The following TAOK2 variants were observed in gnomAD, a reference collection of about 807,000 sequenced individuals.
TAOK2 encodes serine/threonine-protein kinase TAO2.
TAOK2 carries 42 observed loss-of-function variants against 122.5 expected under a neutral mutation model. That is an observed-to-expected ratio of 0.34 (90% CI 0.27 to 0.44). The LOEUF (loss-of-function observed/expected upper bound fraction) is 0.44, where lower values mean the gene tolerates loss of function less well. TAOK2 is among the 20% of genes least tolerant of loss of function. The pLI, the probability that TAOK2 is intolerant of heterozygous loss-of-function variation, is 1.00. For missense variants in TAOK2, 1,264 were observed against 1,644.9 expected (o/e 0.77, Z 4.01); for synonymous variants, 704 against 677.6 (o/e 1.04, Z -0.61).
downstream of TAOK2, chr16:29,989,833 G>A: frequency 6.2e-7 from 1 of 1,607,532 alleles, no homozygotes; most frequent in Non-Finnish European, 8.5e-7. Context: ...GGGAGGGAGT[G>A]CGCTAGAGGC....
At chr16:29,989,969 TCTC>T, downstream of TAOK2, 2 of 664,658 alleles carry the variant, frequency 3.0e-6, no homozygotes, top group South Asian at 2.0e-5. Context: ...TATTTCATAT[TCTC>T]CTCAGTGGTT....
chr16:29,979,210 A>T lies in TAOK2; in HGVS notation c.465A>T (p.Gly155=), dbSNP rs1567239625. The change falls in exon 7 of 16, where the codon GGA becomes GGT. Residue 155 remains glycine, a synonymous_variant. Coordinates refer to ENST00000308893, the MANE Select transcript of TAOK2 (RefSeq NM_016151.4). The surrounding 1 kb of genome is among the most constrained non-coding windows in gnomAD (Gnocchi z 4.1). The part of the protein sequence containing the change: ...HNMIHRDVKA[G]NILLSEPGLV... ...CCTCTGGCAGGGATGTGAAGGCTGG[A>T]AACATCCTGCTGTCAGAGCCAGGGT... 6.2e-7 allele frequency: 1 copy of T among 1,614,086 alleles called. No individual in the cohort carries two copies. Among genetic ancestry groups the T allele is most frequent in the Non-Finnish European group, 8.5e-7 (1 of 1,180,044 alleles).
In TAOK2 at chr16:29,985,713, G is replaced by A. The variant is rs752773455; in HGVS notation, c.1844G>A (p.Arg615Gln). 18 of 1,607,768 alleles carry A rather than the reference G, an allele frequency of 1.1e-5. No homozygotes were observed. Among genetic ancestry groups the A allele is most frequent in the East Asian group, 2.2e-5 (1 of 44,642 alleles). ...PKREKAEWLL[R>Q]QKEQLQQCQA... Reference sequence around the variant, plus strand: ...CGGGAGAAGGCCGAGTGGCTGCTGCGGCAGAAGGAGCAGCTCCAGCAGTGC... The same window carrying A: ...CGGGAGAAGGCCGAGTGGCTGCTGCAGCAGAAGGAGCAGCTCCAGCAGTGC... The change falls in exon 15 of 16, where the codon CGG (arginine) becomes CAG (glutamine). Residue 615 changes from arginine to glutamine, a missense_variant. Arg to Gln is a conservative substitution (Grantham distance 43). Transcript: ENST00000308893. This position sits in a 1 kb window ranked among gnomAD's most constrained non-coding sequence, Gnocchi z 6.9.
Position 29,979,590 on chromosome 16 carries a change from T to G in TAOK2, c.655+82T>G. ...CAGACTCCGGACTACCCCCTTCTCCTAGGGATGGGATCCCAGGCCTCCAAG... is the reference window on the plus strand; with the variant it reads ...CAGACTCCGGACTACCCCCTTCTCCGAGGGATGGGATCCCAGGCCTCCAAG... On this transcript the variant is annotated intron_variant, in intron 8 of 15. Coordinates refer to ENST00000308893, the MANE Select transcript of TAOK2 (RefSeq NM_016151.4). The surrounding 1 kb of genome is among the most constrained non-coding windows in gnomAD (Gnocchi z 4.1). 1 of 1,159,546 alleles carries G rather than the reference T, an allele frequency of 8.6e-7. No individual in the cohort carries two copies. Among genetic ancestry groups the G allele is most frequent in the Non-Finnish European group, 1.2e-6 (1 of 845,254 alleles). 71.8% of individuals were successfully genotyped at this position (1,159,546 alleles called of 1,614,324 possible). A position where few individuals can be genotyped will look rare whatever the true frequency, so the allele number is the denominator to read the frequency against.
intron 13 of TAOK2, among the ~76,000 whole-genome samples, 162 bp downstream of exon 13, chr16:29,983,826 C>A (rs1198249820): frequency 1.3e-5 from 2 of 152,264 alleles, no homozygotes; most frequent in Non-Finnish European, 2.9e-5. Context: ...CTGCTTCCCT[C>A]CTCTTCCCAG....
At chr16:29,988,510 T>C (rs2069887524), downstream of TAOK2, 5 of 1,182,726 alleles carry the variant, frequency 4.2e-6, no homozygotes, top group Non-Finnish European at 5.3e-6. Context: ...ATCTCCGTTA[T>C]CTCAGCCCCC....
intron 13 of TAOK2, among the ~76,000 whole-genome samples, chr16:29,984,067 G>A (rs1567244971): frequency 6.6e-6 from 1 of 152,172 alleles, no homozygotes; most frequent in Non-Finnish European, 1.5e-5. Flanking sequence ...TGCCGGGGGT[G>A]CCCTGTGCTT....
chr16:29,989,555 C>G, downstream of TAOK2: 1 of 1,610,728 alleles, frequency 6.2e-7, no homozygotes, highest in South Asian at 1.1e-5. Context: ...TCCTCTTCCC[C>G]GCTGCCCCCA....
At chr16:29,991,249 G>C, downstream of TAOK2, 1 of 1,611,894 alleles carries the variant, frequency 6.2e-7, no homozygotes, top group Middle Eastern at 1.7e-4. The surrounding 1 kb of genome is among the most constrained non-coding windows in gnomAD (Gnocchi z 5.6). Flanking sequence ...TGGCCCTCCC[G>C]TCCCGTTCCC....
At chr16:29,981,335 AAT>A (rs1335510190) in intron 8 of TAOK2, 1 of 563,936 alleles carries the variant, frequency 1.8e-6, no homozygotes, top group African/African-American at 1.9e-5. Context: ...TCCCCATAGC[AAT>A]TATCAAGTTA....
rs768736243 is a variant in TAOK2 at position 29,987,186 on chromosome 16, C to T, written c.2914C>T (p.Leu972=). ...TGGCCTCCTGCCCCTCCTGCTGCTG[C>T]TGCTGCTTCCATTGCTGGCAGCCCA... ...SSGLLPLLLL[L]LLPLLAAQGG... is the part of the protein sequence containing the mutation. Residue 972 remains leucine, a synonymous_variant, in exon 16 of 16, where the codon CTG becomes TTG. Transcript: ENST00000308893. 1.9e-6 allele frequency: 3 copies of T among 1,555,404 alleles called. No individual in the cohort carries two copies. The highest frequency in any genetic ancestry group is 2.6e-6 in the Non-Finnish European group (3 of 1,156,014).
chr16:29,985,199 C>T lies in TAOK2; in HGVS notation c.1423-14C>T. 6.7e-7 allele frequency: 1 copy of T among 1,495,792 alleles called. No individual in the cohort carries two copies. Among genetic ancestry groups the T allele is most frequent in the Non-Finnish European group, 8.9e-7 (1 of 1,121,720 alleles). The allele number at this position is 1,495,792 out of a possible 1,614,324, so 92.7% of individuals were successfully genotyped here. ...CAGGCTGAGCCCCAGCTCTCACCCT[C>T]TCTCCTTCCCCAGGTCAGCCGTCAG... On this transcript the variant is annotated splice_polypyrimidine_tract_variant and intron_variant, in intron 13 of 15. Transcript: ENST00000308893. This position sits in a 1 kb window ranked among gnomAD's most constrained non-coding sequence, Gnocchi z 6.9.
downstream of TAOK2, chr16:29,988,425 CT>C: frequency 7.8e-7 from 1 of 1,290,064 alleles, no homozygotes; most frequent in Non-Finnish European, 1.0e-6. Context: ...CCTCTGTCTG[CT>C]TTGTCCTGCC....
Position 29,979,635 on chromosome 16 carries a change from T to C in TAOK2, c.655+127T>C. ...TCCAAGTTCCTGTCCGTTGTGACTC[T>C]ACCCTGGAGCCCAATACAGGCAGCT... On this transcript the variant is annotated intron_variant, in intron 8 of 15. Coordinates refer to ENST00000308893, the MANE Select transcript of TAOK2 (RefSeq NM_016151.4). The surrounding 1 kb of genome is among the most constrained non-coding windows in gnomAD (Gnocchi z 4.1). The C allele has an allele frequency of 1.3e-6, 1 of 744,720 alleles. No homozygotes were observed. Among genetic ancestry groups the C allele is most frequent in the Non-Finnish European group, 2.1e-6 (1 of 474,984 alleles). 46.1% of individuals were successfully genotyped at this position (744,720 alleles called of 1,614,324 possible).
Position 29,985,965 on chromosome 16 carries a change from G to A in TAOK2, c.1992+104G>A. Reference sequence around the variant, plus strand: ...TGTCTTCTTTCTCCTTGGCCCTCGAGTGTTACAGTTCAGCTTTGCTTCAGT... The same window carrying A: ...TGTCTTCTTTCTCCTTGGCCCTCGAATGTTACAGTTCAGCTTTGCTTCAGT... On this transcript the variant is annotated intron_variant, in intron 15 of 15. Coordinates refer to ENST00000308893, the MANE Select transcript of TAOK2 (RefSeq NM_016151.4). The surrounding 1 kb of genome is among the most constrained non-coding windows in gnomAD (Gnocchi z 6.9). 1 of 1,382,248 alleles carries A rather than the reference G, an allele frequency of 7.2e-7. No individual in the cohort carries two copies. Among genetic ancestry groups the A allele is most frequent in the Non-Finnish European group, 9.9e-7 (1 of 1,009,452 alleles). 85.6% of individuals were successfully genotyped at this position (1,382,248 alleles called of 1,614,324 possible). A position where few individuals can be genotyped will look rare whatever the true frequency, so the allele number is the denominator to read the frequency against.
At chr16:29,991,414 T>G (rs1042551642), downstream of TAOK2, 2 of 1,543,302 alleles carry the variant, frequency 1.3e-6, no homozygotes. The surrounding 1 kb of genome is among the most constrained non-coding windows in gnomAD (Gnocchi z 5.6). Context: ...CTGCTGCTGC[T>G]AAGAAACAGC....
At chr16:29,983,858 C>G (rs2069699220) in intron 13 of TAOK2, among the ~76,000 whole-genome samples, 194 bp downstream of exon 13, 1 of 152,220 alleles carries the variant, frequency 6.6e-6, no homozygotes, top group Admixed American at 6.5e-5. Context: ...GGTCATATGG[C>G]CCAATCTGGG....
rs2069840356 is a variant in TAOK2, at chr16:29,987,396, C to T, written c.3124C>T (p.Pro1042Ser). 3.1e-6 allele frequency: 5 copies of T among 1,606,810 alleles called. No homozygotes were observed. The highest frequency in any genetic ancestry group is 4.3e-6 in the Non-Finnish European group (5 of 1,175,322). The change falls in exon 16 of 16, where the codon CCC becomes TCC. Residue 1042 changes from proline to serine, a missense_variant. By Grantham distance (74) the Pro-to-Ser change is moderately conservative (BLOSUM62 -1). Around this residue, in one of 4 missense-constraint regions of TAOK2, gnomAD observed 824 missense variants for 908.7 expected, o/e 0.91. Coordinates refer to ENST00000308893, the MANE Select transcript of TAOK2 (RefSeq NM_016151.4). The part of the protein sequence containing the change: ...LSWRRGLMGV[P>S]LGLGAAWLLA... ...CTGGCGCCGAGGCCTCATGGGTGTT[C>T]CCCTGGGCCTTGGAGCTGCCTGGCT...
chr16:29,978,788 C>G lies in TAOK2; in HGVS notation c.307-11C>G. The stretch of plus-strand genomic sequence containing the variant: ...GGAGACTCTGATCTCTGACCCTTGT[C>G]TCTTCCTTAGCTGGTAATGGAGTAT... On this transcript the variant is annotated splice_polypyrimidine_tract_variant and intron_variant, in intron 4 of 15. Transcript: ENST00000308893. 1.2e-6 allele frequency: 2 copies of G among 1,614,056 alleles called. No individual in the cohort carries two copies. Among genetic ancestry groups the G allele is most frequent in the Non-Finnish European group, 1.7e-6 (2 of 1,179,988 alleles).
Sources: gnomAD v4.1 joint callset for allele counts (sites outside exome capture counted in the v4.1 genomes callset) on GRCh38, gnomAD v4.1.1 for gene constraint, gnomAD v4.1.1 regional missense constraint, Gnocchi (gnomAD v3.1) non-coding constraint, MANE v1.5 for transcripts, NCBI Gene and HGNC (gene_info 2026-07-23, HGNC 2026-07-21) for gene names.